The following CLEC17A variants were observed in gnomAD, a reference collection of about 807,000 sequenced individuals.
CLEC17A encodes C-type lectin domain containing 17A.
A neutral mutation model predicts 61.3 loss-of-function variants in CLEC17A; 37 were observed. The ratio of observed to expected loss-of-function variants is 0.60; its 90% CI spans 0.46 to 0.79. The LOEUF is 0.79. CLEC17A is among the 30% of genes least tolerant of loss of function. The pLI, the probability that CLEC17A is intolerant of heterozygous loss-of-function variation, is 0.00. For missense variants in CLEC17A, 418 were observed against 464.7 expected (o/e 0.90, Z 0.92); for synonymous variants, 168 against 164.9 (o/e 1.02, Z -0.14).
chr19:14,589,518 G>A (rs2074364486), intron 3 of CLEC17A, among the ~76,000 whole-genome samples: 2 of 142,234 alleles, frequency 1.4e-5, no homozygotes, highest in African/African-American at 5.7e-5. Context: ...GCAGCCTTGA[G>A]CTCTTGGGTC....
chr19:14,604,137 G>A (rs1428343592), intron 12 of CLEC17A, among the ~76,000 whole-genome samples: 1 of 152,122 alleles, frequency 6.6e-6, no homozygotes, highest in Non-Finnish European at 1.5e-5. Flanking sequence ...CATCTAGTCT[G>A]ATGGGACAGG....
intron 8 of CLEC17A, 63 bp from the exon 9 acceptor site, chr19:14,596,813 A>G: frequency 1.5e-5 from 23 of 1,559,862 alleles, no homozygotes; most frequent in East Asian, 2.4e-5. Context: ...AAGACTTAAG[A>G]GTCTCTTCCT....
intron 3 of CLEC17A, chr19:14,588,491 G>A (rs2074341771): frequency 6.6e-6 from 1 of 151,950 alleles, no homozygotes; most frequent in Non-Finnish European, 1.5e-5. Context: ...CATCAATATG[G>A]TGATGTTTTG....
intron 4 of CLEC17A, among the ~76,000 whole-genome samples, chr19:14,593,744 A>C (rs2074478033): frequency 6.8e-6 from 1 of 147,698 alleles, no homozygotes; most frequent in Non-Finnish European, 1.5e-5. Flanking sequence ...GTGGATCACG[A>C]GGTCAGGAGA....
chr19:14,587,784 T>A, intron 3 of CLEC17A, 93 bp downstream of exon 3: 4 of 1,571,844 alleles, frequency 2.5e-6, no homozygotes. Context: ...ACAGTCAGTC[T>A]CCTCTCTACA....
rs566111046 is a variant in CLEC17A at position 14,600,078 on chromosome 19, A to G, written c.790A>G (p.Lys264Glu). 2.3e-4 allele frequency: 373 copies of G among 1,614,030 alleles called. 4 individuals carry two copies. In the East Asian group the frequency reaches 4.6e-3, roughly 20 times the overall value. The change falls in exon 12 of 14, where the codon AAG (lysine) becomes GAG (glutamate). Residue 264 changes from lysine to glutamate, a missense_variant. Transcript: ENST00000417570. The part of the protein sequence containing the change: ...CPEGWLPFEG[K>E]CYYFSPSTKS... ...TGAAGGCTGGCTGCCCTTTGAGGGCAAGTGTTACTACTTCTCCCCAAGCAC... is the reference window on the plus strand; with the variant it reads ...TGAAGGCTGGCTGCCCTTTGAGGGCGAGTGTTACTACTTCTCCCCAAGCAC...
intron 13 of CLEC17A, among the ~76,000 whole-genome samples, chr19:14,608,014 T>G (rs8111607): frequency 0.72 from 109,803 of 151,816 alleles, 40,182 homozygotes; most frequent in African/African-American, 0.83. Flanking sequence ...GGGACCACAG[T>G]CACACACCAC....
In CLEC17A at chr19:14,609,089, C is replaced by T. The variant is rs1028631554; in HGVS notation, c.1005-975C>T. Among the ~76,000 whole-genome samples, 10 of 152,258 alleles carry T rather than the reference C, an allele frequency of 6.6e-5. No homozygotes were observed. In the East Asian group the frequency reaches 7.7e-4, roughly 12 times the overall value. On this transcript the variant is annotated intron_variant, in intron 13 of 13. Transcript: ENST00000417570. ...TGCTGGGATTACAGGTGTGTGCCACCGCACCTGGCGGAACATTGGCTGCTA... is the reference window on the plus strand; with the variant it reads ...TGCTGGGATTACAGGTGTGTGCCACTGCACCTGGCGGAACATTGGCTGCTA...
At chr19:14,599,012 C>T (rs192304046) in intron 10 of CLEC17A, among the ~76,000 whole-genome samples, 48 of 148,646 alleles carry the variant, frequency 3.2e-4, no homozygotes, top group African/African-American at 9.9e-4. Context: ...TCAAGCTTTT[C>T]TGAGTTTTCC....
At chr19:14,584,442 G>A (rs1040826705) in intron 2 of CLEC17A, 20 of 152,254 alleles carry the variant, frequency 1.3e-4, no homozygotes, top group African/African-American at 4.3e-4. Flanking sequence ...GTATTCCTGA[G>A]TTTACTGCCA....
At chr19:14,600,522 C>T (rs540678033) in intron 12 of CLEC17A, among the ~76,000 whole-genome samples, 1 of 152,188 alleles carries the variant, frequency 6.6e-6, no homozygotes, top group South Asian at 2.1e-4. Flanking sequence ...GTCATTAACA[C>T]ATGCAATCCT....
At chr19:14,602,043 C>T (rs558546777) in intron 12 of CLEC17A, among the ~76,000 whole-genome samples, 7 of 152,178 alleles carry the variant, frequency 4.6e-5, no homozygotes, top group African/African-American at 1.7e-4. Context: ...CTGCCTGCCT[C>T]GGCCTCCCAA....
chr19:14,594,515 A>T lies in CLEC17A; in HGVS notation c.278-2A>T. 1 of 1,583,956 alleles carries T rather than the reference A, an allele frequency of 6.3e-7. No individual in the cohort carries two copies. The highest frequency in any genetic ancestry group is 8.6e-7 in the Non-Finnish European group (1 of 1,165,968). On this transcript the variant is annotated splice_acceptor_variant, in intron 4 of 13. Coordinates refer to ENST00000417570, the MANE Select transcript of CLEC17A (RefSeq NM_001204118.2). LOFTEE classifies it high-confidence loss of function. ...CCCTCACCCTGAGCTTCTCTTCTCC[A>T]GGTTCAAGTGCTCCACCAAGACCTC...
In CLEC17A at chr19:14,611,711, C is replaced by G. The variant is rs555157671; in HGVS notation, c.*1515C>G. On this transcript the variant is annotated 3_prime_UTR_variant, in exon 14 of 14. Coordinates refer to ENST00000417570, the MANE Select transcript of CLEC17A (RefSeq NM_001204118.2). ...TTGTAACGTCTTTGATGATATAATTCACTTTACTTGCCAGGCACAGTGGCT... is the reference window on the plus strand; with the variant it reads ...TTGTAACGTCTTTGATGATATAATTGACTTTACTTGCCAGGCACAGTGGCT... Among the ~76,000 whole-genome samples the G allele has an allele frequency of 6.6e-6, 1 of 152,062 alleles. No individual in the cohort carries two copies. The highest frequency in any genetic ancestry group is 1.5e-5 in the Non-Finnish European group (1 of 67,998).
chr19:14,597,802 C>T (rs1308166758), intron 10 of CLEC17A, among the ~76,000 whole-genome samples: 1 of 152,066 alleles, frequency 6.6e-6, no homozygotes, highest in African/African-American at 2.4e-5. Flanking sequence ...AGAGGTCTCA[C>T]TATGTTGACT....
chr19:14,596,845 C>A, intron 8 of CLEC17A, 31 bp from the exon 9 acceptor site: 1 of 1,603,488 alleles, frequency 6.2e-7, no homozygotes, highest in East Asian at 2.3e-5. Context: ...GCCCCAGTAT[C>A]AGTCTCTCTG....
chr19:14,587,363 T>A (rs1250442964), intron 2 of CLEC17A, among the ~76,000 whole-genome samples: 1 of 152,008 alleles, frequency 6.6e-6, no homozygotes, highest in Non-Finnish European at 1.5e-5. Flanking sequence ...GACATCTGAG[T>A]AGGAGAGACA....
Position 14,594,650 on chromosome 19 carries a change from C to T in CLEC17A, c.329C>T (p.Pro110Leu), listed in dbSNP as rs1162891939. The change falls in exon 6 of 14, where the codon CCC becomes CTC. Residue 110 changes from proline to leucine, a missense_variant. Coordinates refer to ENST00000417570, the MANE Select transcript of CLEC17A (RefSeq NM_001204118.2). Reference protein sequence around the residue: ...PPRAAKETEKPPLPCKPRNMT... With the variant: ...PPRAAKETEKLPLPCKPRNMT... Reference sequence around the variant, plus strand: ...TCCTCAGCAAAGGAAACAGAGAAACCCCCACTTCCTTGCAAGCCCCGGAAC... The same window carrying T: ...TCCTCAGCAAAGGAAACAGAGAAACTCCCACTTCCTTGCAAGCCCCGGAAC... 1 of 1,613,858 alleles carries T rather than the reference C, an allele frequency of 6.2e-7. No individual in the cohort carries two copies. Among genetic ancestry groups the T allele is most frequent in the Non-Finnish European group, 8.5e-7 (1 of 1,179,878 alleles).
intron 12 of CLEC17A, among the ~76,000 whole-genome samples, chr19:14,600,891 C>CTTTTTT (rs71166763): frequency 3.2e-5 from 2 of 63,216 alleles, no homozygotes; most frequent in Admixed American, 2.1e-4. Context: ...GCTCGGCCTT[C>CTTTTTT]TTTTTTTTTT....
Sources: gnomAD v4.1 joint callset for allele counts (sites outside exome capture counted in the v4.1 genomes callset) on GRCh38, gnomAD v4.1.1 for gene constraint, MANE v1.5 for transcripts, NCBI Gene and HGNC (gene_info 2026-07-23, HGNC 2026-07-21) for gene names.